Variants in PLLP observed in about 807,000 individuals in gnomAD.
The protein encoded by PLLP is plasmolipin, also known as plasma membrane proteolipid (plasmolipin).
PLLP carries 15 observed loss-of-function variants against 19.7 expected under a neutral mutation model. The observed-to-expected ratio is 0.76, with a 90% CI of 0.51 to 1.17. The LOEUF (loss-of-function observed/expected upper bound fraction) is 1.17, where lower values mean the gene tolerates loss of function less well. Among genes scored for constraint, PLLP ranks in the 50% most tolerant of loss-of-function variants. The pLI, the probability that PLLP is intolerant of heterozygous loss-of-function variation, is 0.00. For synonymous variants in PLLP, 111 were observed against 116.3 expected, an observed-to-expected ratio of 0.95 and a Z score of 0.29; for missense variants, 255 against 258.3, an observed-to-expected ratio of 0.99 and a Z score of 0.09.
At chr16:57,284,028 G>A (rs1364243940) in intron 1 of PLLP, among the ~76,000 whole-genome samples, 1 of 152,084 alleles carries the variant, frequency 6.6e-6, no homozygotes, top group Non-Finnish European at 1.5e-5. Flanking sequence ...AAAGAGAGAG[G>A]AGGGAAGGGA....
At chr16:57,263,551 CCCAG>C (rs1185839430) in intron 1 of PLLP, among the ~76,000 whole-genome samples, 2 of 152,238 alleles carry the variant, frequency 1.3e-5, no homozygotes. Flanking sequence ...CTGCACAGGC[CCCAG>C]CCCTCACAGC....
At chr16:57,277,371 C>T (rs113012028) in intron 1 of PLLP, among the ~76,000 whole-genome samples, 6 of 152,310 alleles carry the variant, frequency 3.9e-5, no homozygotes, top group African/African-American at 1.4e-4. Flanking sequence ...GGGCGGATCA[C>T]CTGAGGTCAG....
At chr16:57,275,154 T>C (rs1293223869) in intron 1 of PLLP, among the ~76,000 whole-genome samples, 13 of 151,976 alleles carry the variant, frequency 8.6e-5, no homozygotes. Flanking sequence ...GTGTGTCTTG[T>C]ATCTGTGTAC....
At chr16:57,267,530 T>G (rs1342456149) in intron 1 of PLLP, among the ~76,000 whole-genome samples, 2 of 151,958 alleles carry the variant, frequency 1.3e-5, no homozygotes, top group Non-Finnish European at 2.9e-5. Flanking sequence ...ATTGCACCAC[T>G]GCACTCCAGC....
At chr16:57,269,309 C>G (rs2075467174) in intron 1 of PLLP, among the ~76,000 whole-genome samples, 1 of 152,174 alleles carries the variant, frequency 6.6e-6, no homozygotes, top group Non-Finnish European at 1.5e-5. Context: ...TCACCCTCCT[C>G]ACTTCCGGGG....
chr16:57,284,521 T>A lies in PLLP; in HGVS notation c.20A>T (p.Lys7Ile). The A allele has an allele frequency of 7.2e-7, 1 of 1,391,090 alleles. No individual in the cohort carries two copies. The highest frequency in any genetic ancestry group is 9.4e-7 in the Non-Finnish European group (1 of 1,062,514). The allele number at this position is 1,391,090 out of a possible 1,614,324, so 86.2% of individuals were successfully genotyped here. A position where few individuals can be genotyped will look rare whatever the true frequency, so the allele number is the denominator to read the frequency against. The change falls in exon 1 of 4, where the codon AAA (lysine) becomes ATA (isoleucine). Residue 7 changes from lysine to isoleucine, a missense_variant. Transcript: ENST00000219207. MAEFPS[K>I]VSTRTSSPAQ... ...AGGACTGCTGGTCCGCGTGCTAACT[T>A]TCGACGGGAACTCGGCCATGGCGGC...
At chr16:57,267,891 A>AG (rs2075462720) in intron 1 of PLLP, among the ~76,000 whole-genome samples, 1 of 147,308 alleles carries the variant, frequency 6.8e-6, no homozygotes, top group South Asian at 2.1e-4. Flanking sequence ...AAAAAAAAAA[A>AG]GAAAGAAAGA....
intron 1 of PLLP, among the ~76,000 whole-genome samples, chr16:57,281,952 G>C (rs939807358): frequency 1.3e-5 from 2 of 152,164 alleles, no homozygotes; most frequent in Non-Finnish European, 2.9e-5. Flanking sequence ...AGAGTCAAGA[G>C]ACCCAAGTGC....
At chr16:57,277,790 A>G (rs1349513454) in intron 1 of PLLP, among the ~76,000 whole-genome samples, 4 of 152,098 alleles carry the variant, frequency 2.6e-5, no homozygotes, top group Admixed American at 2.6e-4. Context: ...GCATCCACTC[A>G]CCCTGGAATG....
intron 1 of PLLP, among the ~76,000 whole-genome samples, chr16:57,272,975 G>A (rs533508534): frequency 3.4e-4 from 51 of 150,320 alleles, no homozygotes; most frequent in African/African-American, 1.2e-3. Context: ...GTTGGGGGTG[G>A]GGGTCCAGGC....
chr16:57,273,810 C>G (rs1567531984), intron 1 of PLLP, among the ~76,000 whole-genome samples: 2 of 152,222 alleles, frequency 1.3e-5, no homozygotes, highest in African/African-American at 2.4e-5. Context: ...TCCCAGTACC[C>G]TGTTCTCCTT....
intron 1 of PLLP, among the ~76,000 whole-genome samples, chr16:57,277,104 A>G (rs768861607): frequency 6.6e-6 from 1 of 152,212 alleles, no homozygotes; most frequent in Non-Finnish European, 1.5e-5. Flanking sequence ...TGGGGAGACT[A>G]TATAAACTGG....
intron 1 of PLLP, among the ~76,000 whole-genome samples, chr16:57,281,517 C>CTTTTT (rs771314004): frequency 3.1e-5 from 4 of 130,154 alleles, no homozygotes; most frequent in African/African-American, 6.2e-5. Flanking sequence ...TTTTTTATTT[C>CTTTTT]TTTTTTTTTT....
chr16:57,265,357 G>A (rs779129820), intron 1 of PLLP, among the ~76,000 whole-genome samples: 7 of 152,264 alleles, frequency 4.6e-5, no homozygotes, highest in African/African-American at 7.2e-5. Flanking sequence ...CGGGCAGCAC[G>A]CCTCCGTCCC....
At chr16:57,274,236 G>C (rs1404913975) in intron 1 of PLLP, among the ~76,000 whole-genome samples, 9 of 152,108 alleles carry the variant, frequency 5.9e-5, no homozygotes, top group Admixed American at 3.3e-4. Context: ...TCCTGCTTCA[G>C]CTTCCCAAAG....
chr16:57,276,606 A>G (rs113410670), intron 1 of PLLP, among the ~76,000 whole-genome samples: 3,914 of 150,038 alleles, frequency 0.026, 199 homozygotes, highest in African/African-American at 0.091. Context: ...AAAAAAAAAA[A>G]AGAGAGAGAG....
intron 1 of PLLP, among the ~76,000 whole-genome samples, chr16:57,283,961 C>T (rs1429666191): frequency 6.6e-6 from 1 of 152,128 alleles, no homozygotes; most frequent in Non-Finnish European, 1.5e-5. Flanking sequence ...TGGACTTTGC[C>T]TCAGACTGGG....
Position 57,256,302 on chromosome 16 carries a change from C to G in PLLP, c.*611G>C, listed in dbSNP as rs1194041137. 1 of 369,404 alleles carries G rather than the reference C, an allele frequency of 2.7e-6. No individual in the cohort carries two copies. The highest frequency in any genetic ancestry group is 3.9e-5 in the East Asian group (1 of 25,526). 22.9% of individuals were successfully genotyped at this position (369,404 alleles called of 1,614,324 possible). ...GGAAAGGGAAGGAAACCTGGACAGG[C>G]TTTTCAGCACTGAGAAATCACTTAA... On this transcript the variant is annotated 3_prime_UTR_variant, in exon 4 of 4. Coordinates refer to ENST00000219207, the MANE Select transcript of PLLP (RefSeq NM_015993.3).
At chr16:57,272,748 T>C (rs569424480) in intron 1 of PLLP, among the ~76,000 whole-genome samples, 1 of 151,154 alleles carries the variant, frequency 6.6e-6, no homozygotes, top group Admixed American at 6.6e-5. Flanking sequence ...GCCCAGGAAT[T>C]TGAGACCAGC....
Sources: gnomAD v4.1 joint callset for allele counts (sites outside exome capture counted in the v4.1 genomes callset) on GRCh38, gnomAD v4.1.1 for gene constraint, MANE v1.5 for transcripts, NCBI Gene and HGNC (gene_info 2026-07-23, HGNC 2026-07-21) for gene names.